Variants in MLXIPL observed in about 807,000 individuals in gnomAD.
The protein encoded by MLXIPL is carbohydrate-responsive element-binding protein.
In MLXIPL, 49 loss-of-function variants were observed where a neutral mutation model predicts 81.5. The observed-to-expected ratio is 0.60, with a 90% CI of 0.48 to 0.76. MLXIPL has a LOEUF of 0.76. MLXIPL is among the 30% of genes least tolerant of loss of function. The pLI is 0.00. For missense variants in MLXIPL, 1,053 were observed against 1,167.0 expected (o/e 0.90, Z 1.42); for synonymous variants, 466 against 485.5 (o/e 0.96, Z 0.53).
At chr7:73,597,972 C>T (rs1043652188) in intron 8 of MLXIPL, among the ~76,000 whole-genome samples, 1 of 152,124 alleles carries the variant, frequency 6.6e-6, no homozygotes, top group African/African-American at 2.4e-5. Context: ...TCTTCCTGCC[C>T]GTCCATTTGT....
intron 1 of MLXIPL, among the ~76,000 whole-genome samples, chr7:73,618,143 T>C (rs1584143907): frequency 6.6e-6 from 1 of 152,168 alleles, no homozygotes; most frequent in East Asian, 1.9e-4. Flanking sequence ...GCCACCCAGG[T>C]TGGAGTGCAG....
At chr7:73,602,553 G>A (rs534581366) in intron 7 of MLXIPL, among the ~76,000 whole-genome samples, 155 of 152,024 alleles carry the variant, frequency 1.0e-3, no homozygotes, top group African/African-American at 3.3e-3. Context: ...GGTGGCGGGC[G>A]CCTGTAGTCC....
At chr7:73,607,767 G>C in intron 2 of MLXIPL, 95 bp from the exon 3 acceptor site, 1 of 1,110,720 alleles carries the variant, frequency 9.0e-7, no homozygotes. Context: ...GCGAAATCCT[G>C]CTTGGCCTTT....
Position 73,594,286 on chromosome 7 carries a change from C to T in MLXIPL, c.2428G>A (p.Ala810Thr), listed in dbSNP as rs376618696. The change falls in exon 16 of 17, where the codon GCT becomes ACT. Residue 810 changes from alanine to threonine, a missense_variant. By Grantham distance (58) the Ala-to-Thr change is moderately conservative (BLOSUM62 0). This residue lies in a region of MLXIPL where 823 missense variants were observed against 933.0 expected (regional missense o/e 0.88). Transcript: ENST00000313375. ...AWLDQYCSLP[A>T]LRPTVLNSLR... Reference sequence around the variant, plus strand: ...ATGGCTCACGTACTTGGCCGGAGAGCGGGCAGAGAGCAGTACTGGTCCAGC... The same window carrying T: ...ATGGCTCACGTACTTGGCCGGAGAGTGGGCAGAGAGCAGTACTGGTCCAGC... 50 of 1,611,986 alleles carry T rather than the reference C, an allele frequency of 3.1e-5. No homozygotes were observed. The East Asian group carries it at 8.2e-4, about 27-fold the overall frequency.
chr7:73,645,675 G>GGT, the MLXIPL span, among the ~76,000 whole-genome samples: 2 of 152,290 alleles, frequency 1.3e-5, no homozygotes, highest in South Asian at 2.1e-4. Flanking sequence ...AACAGTCCAG[G>GGT]CGAGCCCATT....
the MLXIPL span, among the ~76,000 whole-genome samples, chr7:73,639,956 T>C: frequency 6.6e-6 from 1 of 151,746 alleles, no homozygotes; most frequent in African/African-American, 2.4e-5. Context: ...TCCCAGCTAC[T>C]TGGGAGGCTG....
intron 8 of MLXIPL, among the ~76,000 whole-genome samples, chr7:73,598,328 A>C (rs1794517373): frequency 1.3e-5 from 2 of 152,072 alleles, no homozygotes; most frequent in East Asian, 1.9e-4. Flanking sequence ...TAATCCATCC[A>C]ACCATCTATA....
At chr7:73,616,993 TTTTGG>T (rs1333290913) in intron 1 of MLXIPL, among the ~76,000 whole-genome samples, 2 of 151,842 alleles carry the variant, frequency 1.3e-5, no homozygotes, top group Non-Finnish European at 2.9e-5. Context: ...CTGTGTTTTG[TTTTGG>T]TTTGGTTTGG....
chr7:73,625,196 G>T (rs995477109), upstream of MLXIPL, among the ~76,000 whole-genome samples: 3 of 151,698 alleles, frequency 2.0e-5, no homozygotes, highest in Admixed American at 6.6e-5. Flanking sequence ...CAACAAAAGG[G>T]TCCCCTATCA....
chr7:73,606,021 G>C lies in MLXIPL; in HGVS notation c.709C>G (p.Pro237Ala). 1.9e-6 allele frequency: 3 copies of C among 1,588,262 alleles called. No individual in the cohort carries two copies. The highest frequency in any genetic ancestry group is 2.6e-6 in the Non-Finnish European group (3 of 1,167,152). Reference sequence around the variant, plus strand: ...AGGTCCAGGAGCTGCCGCCCACCCGGCTCCTCCTCTGGGTCCCCCAGCAGC... The same window carrying C: ...AGGTCCAGGAGCTGCCGCCCACCCGCCTCCTCCTCTGGGTCCCCCAGCAGC... ...PVLLGDPEEE[P>A]GGRQLLDLNC... is the part of the protein sequence containing the mutation. The change falls in exon 6 of 17, where the codon CCG becomes GCG. Residue 237 changes from proline to alanine, a missense_variant. Pro to Ala is a conservative substitution (Grantham distance 27). Transcript: ENST00000313375.
At chr7:73,616,287 C>T in intron 1 of MLXIPL, 110 bp from the exon 2 acceptor site, 1 of 981,610 alleles carries the variant, frequency 1.0e-6, no homozygotes, top group Non-Finnish European at 1.6e-6. Flanking sequence ...TTTGAGGGGC[C>T]CCTCCAAATC....
rs1554593831 is a variant in MLXIPL at position 73,596,367 on chromosome 7, G to A, written c.1935C>T (p.Asn645=). 1.2e-6 allele frequency: 2 copies of A among 1,613,048 alleles called. No homozygotes were observed. Among genetic ancestry groups the A allele is most frequent in the Non-Finnish European group, 8.5e-7 (1 of 1,179,894 alleles). ...PILSRGRPDS[N]KTENRRITHI... Reference sequence around the variant, plus strand: ...TGGGGTGGGGGATGGTGCCCACCTTGTTGCTGTCTGGACGGCCCCGGCTGA... The same window carrying A: ...TGGGGTGGGGGATGGTGCCCACCTTATTGCTGTCTGGACGGCCCCGGCTGA... Residue 645 remains asparagine (N), a synonymous_variant, in exon 12 of 17, where the codon AAC becomes AAT. Transcript: ENST00000313375. This position sits in a 1 kb window ranked among gnomAD's most constrained non-coding sequence, Gnocchi z 4.7.
intron 1 of MLXIPL, among the ~76,000 whole-genome samples, chr7:73,619,258 C>G (rs1796174943): frequency 6.6e-6 from 1 of 151,330 alleles, no homozygotes; most frequent in African/African-American, 2.4e-5. Flanking sequence ...GTCAGGAGTT[C>G]GAGATCAGCC....
At chr7:73,617,002 G>T (rs1287264279) in intron 1 of MLXIPL, among the ~76,000 whole-genome samples, 1 of 152,170 alleles carries the variant, frequency 6.6e-6, no homozygotes, top group Admixed American at 6.6e-5. Flanking sequence ...GTTTTGGTTT[G>T]GTTTGGTTTT....
intron 2 of MLXIPL, among the ~76,000 whole-genome samples, chr7:73,614,967 C>T (rs547976815): frequency 1.3e-5 from 2 of 152,208 alleles, no homozygotes; most frequent in Admixed American, 6.5e-5. Context: ...CCCGCCACCA[C>T]GCCCAGCTAA....
At position 73,594,352 on chromosome 7, in the gene MLXIPL, T is replaced by G. The variant is rs1277017871; in HGVS notation, c.2362A>C (p.Thr788Pro). ...TGGCGGAGGGTGTGCACACTTGCCG[T>G]GGACACCATCCCGTTGAAGGACTCA... ...LFESFNGMVS[T>P]ASVHTLRQTS... is the part of the protein sequence containing the mutation. Residue 788 changes from threonine (T) to proline (P), a missense_variant, in exon 16 of 17, where the codon ACG becomes CCG. Physicochemically the swap from Thr to Pro is conservative, Grantham distance 38. Around this residue, in one of 3 missense-constraint regions of MLXIPL, gnomAD observed 823 missense variants for 933.0 expected, o/e 0.88. Transcript: ENST00000313375. 4.3e-6 allele frequency: 7 copies of G among 1,609,608 alleles called. No individual in the cohort carries two copies. Among genetic ancestry groups the G allele is most frequent in the Non-Finnish European group, 5.9e-6 (7 of 1,179,984 alleles).
the MLXIPL span, among the ~76,000 whole-genome samples, chr7:73,641,359 T>C: frequency 6.6e-6 from 1 of 152,070 alleles, no homozygotes; most frequent in Non-Finnish European, 1.5e-5. Flanking sequence ...GGGCCTCAGT[T>C]GCCCTCCCTG....
the MLXIPL span, among the ~76,000 whole-genome samples, chr7:73,630,272 C>A: frequency 6.9e-6 from 1 of 144,934 alleles, no homozygotes; most frequent in Non-Finnish European, 1.5e-5. Context: ...GCTGGGATTA[C>A]AGGCCAGCTT....
intron 7 of MLXIPL, among the ~76,000 whole-genome samples, chr7:73,601,026 C>G (rs948493030): frequency 2.6e-5 from 4 of 151,906 alleles, no homozygotes; most frequent in Non-Finnish European, 5.9e-5. Context: ...CAACTCCCCA[C>G]AGACCTGGGT....
Sources: gnomAD v4.1 joint callset for allele counts (sites outside exome capture counted in the v4.1 genomes callset) on GRCh38, gnomAD v4.1.1 for gene constraint, gnomAD v4.1.1 regional missense constraint, Gnocchi (gnomAD v3.1) non-coding constraint, MANE v1.5 for transcripts, NCBI Gene and HGNC (gene_info 2026-07-23, HGNC 2026-07-21) for gene names.